Variants in C3orf22 observed in about 807,000 individuals in gnomAD.
The protein encoded by C3orf22 is chromosome 3 open reading frame 22.
Under a neutral mutation model 10.8 loss-of-function variants are expected in C3orf22, and 7 were observed. The ratio of observed to expected loss-of-function variants is 0.65; its 90% CI spans 0.37 to 1.22. The LOEUF (loss-of-function observed/expected upper bound fraction) is 1.22. Among genes scored for constraint, C3orf22 ranks in the 50% most tolerant of loss-of-function variants. The pLI, the probability that C3orf22 is intolerant of heterozygous loss-of-function variation, is 0.02. For synonymous variants in C3orf22, 79 were observed against 78.9 expected, an observed-to-expected ratio of 1.00 and a Z score of 0.00; for missense variants, 173 against 177.0, an observed-to-expected ratio of 0.98 and a Z score of 0.13.
rs1937198188 is a variant in C3orf22 at position 126,551,983 on chromosome 3, G to C, written c.215+14C>G. 6.2e-7 allele frequency: 1 copy of C among 1,602,022 alleles called. No homozygotes were observed. Among genetic ancestry groups the C allele is most frequent in the Non-Finnish European group, 8.5e-7 (1 of 1,173,366 alleles). On this transcript the variant is annotated intron_variant, in intron 3 of 3. Coordinates refer to ENST00000318225, the MANE Select transcript of C3orf22 (RefSeq NM_152533.3). ...ACAGCCAGTGGGGGTGGTGGCATCA[G>C]GGCAGGGACTTACCCTCGGACTGGG...
intron 5 of C3orf22, among the ~76,000 whole-genome samples, chr3:126,528,709 T>G (rs1936585437): frequency 6.6e-6 from 1 of 152,152 alleles, no homozygotes; most frequent in African/African-American, 2.4e-5. Context: ...CTGGGCAGAC[T>G]GGGGTTCCAT....
At chr3:126,548,981 T>C (rs1475941927), downstream of C3orf22, among the ~76,000 whole-genome samples, 1 of 152,190 alleles carries the variant, frequency 6.6e-6, no homozygotes, top group Non-Finnish European at 1.5e-5. Flanking sequence ...GGTGACTTTC[T>C]AGCCCCTGTA....
intron 4 of C3orf22, chr3:126,542,184 G>C: frequency 1.4e-6 from 2 of 1,446,336 alleles, no homozygotes; most frequent in Non-Finnish European, 1.8e-6. Context: ...CTGCGGCCGC[G>C]CGCGCTCCCC....
chr3:126,530,522 G>A (rs1936635661), intron 4 of C3orf22, among the ~76,000 whole-genome samples: 1 of 152,208 alleles, frequency 6.6e-6, no homozygotes, highest in South Asian at 2.1e-4. Context: ...TCAGTCCCCA[G>A]CCACAGTTCC....
At chr3:126,531,741 G>A (rs543204999) in intron 4 of C3orf22, among the ~76,000 whole-genome samples, 1 of 152,220 alleles carries the variant, frequency 6.6e-6, no homozygotes, top group African/African-American at 2.4e-5. Context: ...TTTCCATTTT[G>A]GGGCTATCAT....
At chr3:126,553,669 C>T (rs148141127) in intron 1 of C3orf22, among the ~76,000 whole-genome samples, 2,242 of 152,316 alleles carry the variant, frequency 0.015, 43 homozygotes, top group African/African-American at 0.049. Context: ...TCCACAGCCA[C>T]GCCTGTCCAC....
chr3:126,556,686 A>G (rs191298263), intron 1 of C3orf22, among the ~76,000 whole-genome samples: 1 of 150,344 alleles, frequency 6.7e-6, no homozygotes, highest in East Asian at 1.9e-4. Flanking sequence ...AGACACACAC[A>G]CTCATTCTCA....
intron 4 of C3orf22, chr3:126,542,044 G>T: frequency 6.3e-7 from 1 of 1,576,168 alleles, no homozygotes; most frequent in Non-Finnish European, 8.6e-7. Context: ...ACCGGCGCCT[G>T]CGCGCCTACT....
In C3orf22 at chr3:126,529,319, C is replaced by G. The variant is rs749880437; in HGVS notation, c.*31G>C. 22 of 1,289,264 alleles carry G rather than the reference C, an allele frequency of 1.7e-5. 1 individual carries two copies. The highest frequency in any genetic ancestry group is 2.2e-5 in the Non-Finnish European group (22 of 988,852). 79.9% of individuals were successfully genotyped at this position (1,289,264 alleles called of 1,614,324 possible). ...ATGGCCTTGAGCAGCTCTCTCTGCT[C>G]TCCTTCCCTGGGCTGGTATTTCCTC... On this transcript the variant is annotated 3_prime_UTR_variant and NMD_transcript_variant, in exon 5 of 6. Transcript: ENST00000505070.
chr3:126,534,992 G>A (rs1936740212), intron 4 of C3orf22, among the ~76,000 whole-genome samples: 1 of 145,918 alleles, frequency 6.9e-6, no homozygotes, highest in Admixed American at 6.8e-5. Flanking sequence ...TCCCCAGCCG[G>A]GAGACAGACA....
intron 4 of C3orf22, among the ~76,000 whole-genome samples, chr3:126,535,662 G>A (rs1936775397): frequency 6.6e-6 from 1 of 152,192 alleles, no homozygotes; most frequent in South Asian, 2.1e-4. Context: ...TCCTCAGCTG[G>A]AGACAGACAG....
Position 126,549,895 on chromosome 3 carries a change from C to G in C3orf22, c.399G>C (p.Ala133=), listed in dbSNP as rs148091994. Residue 133 remains alanine (A), a synonymous_variant, in exon 4 of 4, where the codon GCG becomes GCC. Coordinates refer to ENST00000318225, the MANE Select transcript of C3orf22 (RefSeq NM_152533.3). ...TEAACPQTSK[A]AGLSRGLS ...AGGAGAGGCCCCTGGACAGCCCTGC[C>G]GCCTTGCTGGTCTGGGGGCAGGCAG... 2 of 1,613,616 alleles carry G rather than the reference C, an allele frequency of 1.2e-6. No homozygotes were observed. The highest frequency in any genetic ancestry group is 2.7e-5 in the African/African-American group (2 of 74,882).
At chr3:126,542,034 A>C (rs1283823942) in intron 4 of C3orf22, 26 of 1,573,432 alleles carry the variant, frequency 1.7e-5, no homozygotes, top group Non-Finnish European at 2.1e-5. Flanking sequence ...GCCGAGATCA[A>C]CCGGCGCCTG....
intron 4 of C3orf22, chr3:126,541,625 G>T: frequency 9.1e-7 from 1 of 1,100,614 alleles, no homozygotes; most frequent in Non-Finnish European, 1.2e-6. Flanking sequence ...GGTGCCCGGC[G>T]CAGCTCCTGC....
chr3:126,536,925 C>A (rs1453758985), intron 4 of C3orf22, among the ~76,000 whole-genome samples: 5 of 129,864 alleles, frequency 3.9e-5, no homozygotes, highest in Non-Finnish European at 6.6e-5. Flanking sequence ...ACACACACAC[C>A]CCACACACAC....
chr3:126,556,869 C>A lies in C3orf22; in HGVS notation c.-41+1758G>T, dbSNP rs556291798. 6.5e-5 allele frequency among the ~76,000 whole-genome samples: 9 copies of A among 137,442 alleles called. No homozygotes were observed. The East Asian group carries it at 1.8e-3, about 27-fold the overall frequency. The allele number at this position is 137,442 out of a possible 152,430, so 90.2% of individuals were successfully genotyped here. ...CACCCCCCACACACAGACTCACATA[C>A]ACACACACACACAGACTCACACACA... On this transcript the variant is annotated intron_variant, in intron 1 of 3. Transcript: ENST00000318225.
intron 4 of C3orf22, chr3:126,536,281 C>T: frequency 2.5e-6 from 4 of 1,613,874 alleles, no homozygotes; most frequent in Non-Finnish European, 3.4e-6. Flanking sequence ...CATTTGGAAA[C>T]AGAGCCCTGG....
At chr3:126,530,176 C>T (rs1421716411) in intron 4 of C3orf22, among the ~76,000 whole-genome samples, 1 of 152,246 alleles carries the variant, frequency 6.6e-6, no homozygotes, top group Admixed American at 6.5e-5. Flanking sequence ...GCCCAGGCTC[C>T]TCGGGGCAGG....
In C3orf22 at chr3:126,556,334, G is replaced by A. The variant is rs549933731; in HGVS notation, c.-41+2293C>T. Among the ~76,000 whole-genome samples the A allele has an allele frequency of 1.1e-3, 168 of 152,202 alleles. No homozygotes were observed. In the Middle Eastern group the frequency reaches 0.041, roughly 37 times the overall value. ...CCTTGCCCCTCTTTGGGGGCAGCTC[G>A]GAGCTGTGCTCTGCACAGTCACCCA... On this transcript the variant is annotated intron_variant, in intron 1 of 3. Transcript: ENST00000318225.
Sources: allele counts gnomAD v4.1 joint callset (sites outside exome capture counted in the v4.1 genomes callset), GRCh38; gene constraint gnomAD v4.1.1; transcripts MANE v1.5; gene names NCBI Gene and HGNC (gene_info 2026-07-23, HGNC 2026-07-21).